The following ADGRL3 variants were observed in gnomAD, a reference collection of about 807,000 sequenced individuals.
ADGRL3 encodes calcium-independent alpha-latrotoxin receptor 3.
In ADGRL3, 62 loss-of-function variants were observed where a neutral mutation model predicts 153.5. The observed-to-expected ratio is 0.40, with a 90% CI of 0.33 to 0.50. The LOEUF (loss-of-function observed/expected upper bound fraction) is 0.50, where lower values mean the gene tolerates loss of function less well. ADGRL3 is among the 20% of genes least tolerant of loss of function. The pLI is 0.47. For missense variants in ADGRL3, 1,641 were observed against 1,859.4 expected (o/e 0.88, Z 2.16); for synonymous variants, 710 against 672.5 (o/e 1.06, Z -0.86).
chr4:61,271,893 G>A (rs1005589018), intron 1 of ADGRL3, among the ~76,000 whole-genome samples: 6 of 152,016 alleles, frequency 3.9e-5, no homozygotes, highest in African/African-American at 1.4e-4. Flanking sequence ...TCTACTTCTA[G>A]ATGCTTGCTG....
chr4:61,370,479 C>A (rs553583080), intron 1 of ADGRL3, among the ~76,000 whole-genome samples: 1 of 151,878 alleles, frequency 6.6e-6, no homozygotes, highest in Non-Finnish European at 1.5e-5. Flanking sequence ...GCCTTCATTT[C>A]GTTATGTACC....
At chr4:61,369,530 A>G (rs1359290999) in intron 1 of ADGRL3, among the ~76,000 whole-genome samples, 3 of 152,080 alleles carry the variant, frequency 2.0e-5, no homozygotes, top group Non-Finnish European at 4.4e-5. Context: ...GCTGGATTAC[A>G]TTTATTGATT....
intron 2 of ADGRL3, among the ~76,000 whole-genome samples, chr4:61,464,660 C>CGGT (rs1367108147): frequency 1.3e-5 from 2 of 152,050 alleles, no homozygotes; most frequent in African/African-American, 4.8e-5. Context: ...ACATAATACC[C>CGGT]ATTTTAACGT....
intron 9 of ADGRL3, among the ~76,000 whole-genome samples, chr4:61,876,762 G>A (rs1444596363): frequency 2.0e-5 from 3 of 151,262 alleles, no homozygotes; most frequent in Non-Finnish European, 4.4e-5. Flanking sequence ...AAAATAAAAT[G>A]GGGAGGCATG....
intron 17 of ADGRL3, among the ~76,000 whole-genome samples, chr4:61,962,481 C>A (rs146720770): frequency 4.0e-5 from 6 of 151,676 alleles, no homozygotes; most frequent in Admixed American, 3.9e-4. Context: ...TGTTGCTAAT[C>A]TTCTTTTATG....
At chr4:61,309,456 G>T (rs1251352581) in intron 1 of ADGRL3, among the ~76,000 whole-genome samples, 2 of 152,096 alleles carry the variant, frequency 1.3e-5, no homozygotes, top group South Asian at 2.1e-4. Context: ...AGACAATTAC[G>T]TCCACCATAA....
chr4:61,605,141 A>G (rs1217752279), intron 5 of ADGRL3, among the ~76,000 whole-genome samples: 1 of 150,672 alleles, frequency 6.6e-6, no homozygotes, highest in Non-Finnish European at 1.5e-5. Flanking sequence ...ACTAAAAAGT[A>G]TATTATGATC....
intron 8 of ADGRL3, among the ~76,000 whole-genome samples, chr4:61,790,623 T>C (rs997253481): frequency 2.6e-5 from 4 of 152,352 alleles, no homozygotes; most frequent in African/African-American, 9.6e-5. Flanking sequence ...GTGTTTCTGA[T>C]GGAAATATGT....
chr4:61,376,590 G>GCC (rs1401066552), intron 1 of ADGRL3, among the ~76,000 whole-genome samples: 1 of 152,016 alleles, frequency 6.6e-6, no homozygotes, highest in Non-Finnish European at 1.5e-5. Context: ...AGTCCATCTT[G>GCC]CTCATATGGA....
chr4:61,584,567 T>A (rs1262064183), intron 4 of ADGRL3, among the ~76,000 whole-genome samples: 1 of 152,040 alleles, frequency 6.6e-6, no homozygotes, highest in African/African-American at 2.4e-5. Flanking sequence ...TATTTTTTTG[T>A]TACATTAACC....
At chr4:61,886,624 A>G (rs908222886) in intron 9 of ADGRL3, among the ~76,000 whole-genome samples, 30 of 149,016 alleles carry the variant, frequency 2.0e-4, no homozygotes, top group African/African-American at 4.7e-4. Flanking sequence ...TTTAGACTAC[A>G]TTTGTTTGTT....
intron 4 of ADGRL3, among the ~76,000 whole-genome samples, chr4:61,575,905 G>C (rs1262689473): frequency 6.6e-6 from 1 of 151,882 alleles, no homozygotes; most frequent in East Asian, 1.9e-4. Flanking sequence ...ATTTTTTTGT[G>C]GGAGGGAAAA....
At chr4:61,552,332 T>G (rs1309013157) in intron 4 of ADGRL3, among the ~76,000 whole-genome samples, 1 of 152,196 alleles carries the variant, frequency 6.6e-6, no homozygotes, top group African/African-American at 2.4e-5. Context: ...CTTAAAAATA[T>G]TTTTTCTTTA....
intron 1 of ADGRL3, among the ~76,000 whole-genome samples, chr4:61,235,059 C>G (rs901548367): frequency 1.3e-5 from 2 of 152,130 alleles, no homozygotes; most frequent in Non-Finnish European, 2.9e-5. Flanking sequence ...CCTCTTTTCT[C>G]TTGTGCACAT....
intron 9 of ADGRL3, among the ~76,000 whole-genome samples, chr4:61,827,848 T>C (rs2097826063): frequency 6.6e-6 from 1 of 152,176 alleles, no homozygotes; most frequent in Non-Finnish European, 1.5e-5. Context: ...TCTTTGAAAG[T>C]ACATGTAGCG....
intron 4 of ADGRL3, among the ~76,000 whole-genome samples, chr4:61,543,085 G>A (rs990520631): frequency 6.6e-6 from 1 of 151,884 alleles, no homozygotes; most frequent in Non-Finnish European, 1.5e-5. Flanking sequence ...TTCAGTATTT[G>A]TTTTATGTAT....
At chr4:62,068,733 A>C (rs1268958038) in intron 26 of ADGRL3, among the ~76,000 whole-genome samples, 1 of 152,164 alleles carries the variant, frequency 6.6e-6, no homozygotes. Context: ...TTTGTCTACA[A>C]GATATAAAAT....
intron 3 of ADGRL3, among the ~76,000 whole-genome samples, chr4:61,510,237 T>C (rs2098456264): frequency 6.6e-6 from 1 of 152,224 alleles, no homozygotes; most frequent in Non-Finnish European, 1.5e-5. Flanking sequence ...ATAGTTTCTT[T>C]TGCTGTGTGA....
intron 2 of ADGRL3, among the ~76,000 whole-genome samples, chr4:61,402,327 T>G (rs1258488462): frequency 6.6e-6 from 1 of 152,158 alleles, no homozygotes; most frequent in African/African-American, 2.4e-5. Context: ...TCAAAAAATT[T>G]TTTTAAAAAT....
Sources: allele counts gnomAD v4.1 joint callset (sites outside exome capture counted in the v4.1 genomes callset), GRCh38; gene constraint gnomAD v4.1.1; transcripts MANE v1.5; gene names NCBI Gene and HGNC (gene_info 2026-07-23, HGNC 2026-07-21).